The following NRG3 variants were observed in gnomAD, a reference collection of about 807,000 sequenced individuals.
NRG3 encodes the protein neuregulin 3, also known as pro-neuregulin-3, membrane-bound isoform.
Under a neutral mutation model 66.9 loss-of-function variants are expected in NRG3, and 31 were observed. The observed-to-expected ratio is 0.46, with a 90% CI of 0.35 to 0.63. NRG3 has a LOEUF of 0.63. Among genes scored for constraint, NRG3 ranks in the 20% least tolerant of loss-of-function variants. The pLI is 0.00. For missense variants in NRG3, 910 were observed against 878.9 expected (o/e 1.04, Z -0.45); for synonymous variants, 393 against 359.4 (o/e 1.09, Z -1.06).
chr10:82,985,734 C>T lies in NRG3; in HGVS notation c.*129C>T, dbSNP rs1162884292. On this transcript the variant is annotated 3_prime_UTR_variant, in exon 9 of 9. Transcript: ENST00000372141. ...AAGAAACCAAATAGTCTATCGCCCTCATATCATAGTGTTTTTTAACAAAAT... is the reference window on the plus strand; with the variant it reads ...AAGAAACCAAATAGTCTATCGCCCTTATATCATAGTGTTTTTTAACAAAAT... 1.0e-6 allele frequency: 1 copy of T among 968,112 alleles called. No homozygotes were observed. Among genetic ancestry groups the T allele is most frequent in the Non-Finnish European group, 1.5e-6 (1 of 656,612 alleles). The allele number at this position is 968,112 out of a possible 1,614,324, so 60.0% of individuals were successfully genotyped here.
At chr10:82,024,678 C>T (rs1241172638) in intron 1 of NRG3, among the ~76,000 whole-genome samples, 4 of 151,970 alleles carry the variant, frequency 2.6e-5, no homozygotes, top group Admixed American at 2.6e-4. Context: ...GACTTGGTCT[C>T]CTCAGGTAGC....
intron 1 of NRG3, among the ~76,000 whole-genome samples, chr10:82,042,152 T>C (rs762801590): frequency 2.0e-5 from 3 of 152,032 alleles, no homozygotes; most frequent in Non-Finnish European, 2.9e-5. Flanking sequence ...GGGAATATAC[T>C]GATTTTGAAC....
chr10:82,933,615 C>T (rs1300130087), intron 4 of NRG3, among the ~76,000 whole-genome samples: 1 of 152,102 alleles, frequency 6.6e-6, no homozygotes, highest in Non-Finnish European at 1.5e-5. Flanking sequence ...AGAACAGTTT[C>T]TAATGTCAGA....
At chr10:81,897,086 GA>G (rs1843598054) in intron 1 of NRG3, among the ~76,000 whole-genome samples, 1 of 152,154 alleles carries the variant, frequency 6.6e-6, no homozygotes, top group African/African-American at 2.4e-5. Flanking sequence ...GAAGAAGCCA[GA>G]AACGGCAATA....
chr10:82,191,078 C>A (rs555690657), intron 1 of NRG3, among the ~76,000 whole-genome samples: 1 of 152,144 alleles, frequency 6.6e-6, no homozygotes, highest in East Asian at 1.9e-4. Flanking sequence ...GATTGCTTTG[C>A]TTGGTTAAAG....
At chr10:82,159,852 G>A (rs894158321) in intron 1 of NRG3, among the ~76,000 whole-genome samples, 5 of 151,966 alleles carry the variant, frequency 3.3e-5, no homozygotes, top group South Asian at 2.1e-4. Flanking sequence ...AGGAAAAGAT[G>A]CATAATTATC....
At chr10:82,037,566 C>T (rs1034407590) in intron 1 of NRG3, among the ~76,000 whole-genome samples, 1 of 152,042 alleles carries the variant, frequency 6.6e-6, no homozygotes, top group Non-Finnish European at 1.5e-5. Flanking sequence ...TTTGAAAAAT[C>T]GATTTTTTTC....
intron 1 of NRG3, among the ~76,000 whole-genome samples, chr10:82,001,948 C>T (rs2061188306): frequency 6.6e-6 from 1 of 152,170 alleles, no homozygotes. Context: ...CTTCAACAAT[C>T]ATCCTCCTTT....
intron 1 of NRG3, among the ~76,000 whole-genome samples, chr10:82,181,791 A>C (rs2073438047): frequency 1.3e-5 from 2 of 151,800 alleles, no homozygotes; most frequent in Admixed American, 1.3e-4. Flanking sequence ...TATATTGTGC[A>C]AGTTCTCTTT....
chr10:82,262,661 G>A (rs1357735195), intron 1 of NRG3, among the ~76,000 whole-genome samples: 2 of 152,162 alleles, frequency 1.3e-5, no homozygotes, highest in Non-Finnish European at 2.9e-5. Context: ...ACTTGATGCT[G>A]TTTGTTTTTA....
At chr10:82,640,961 A>G (rs780364248) in intron 2 of NRG3, among the ~76,000 whole-genome samples, 2 of 151,868 alleles carry the variant, frequency 1.3e-5, no homozygotes, top group South Asian at 2.1e-4. Context: ...TTCTCATAAT[A>G]TAAAATGCTT....
intron 2 of NRG3, among the ~76,000 whole-genome samples, chr10:82,562,032 G>C (rs756740847): frequency 2.6e-5 from 4 of 152,130 alleles, no homozygotes; most frequent in African/African-American, 9.7e-5. Context: ...CTTGGAATTA[G>C]ACAAACCTTC....
intron 4 of NRG3, among the ~76,000 whole-genome samples, chr10:82,919,769 A>G (rs951866249): frequency 6.6e-6 from 1 of 152,206 alleles, no homozygotes; most frequent in Non-Finnish European, 1.5e-5. Flanking sequence ...ATTTGTATCA[A>G]TATCCATGCT....
chr10:82,641,824 A>G (rs1235197260), intron 2 of NRG3, among the ~76,000 whole-genome samples: 3 of 152,134 alleles, frequency 2.0e-5, no homozygotes, highest in Non-Finnish European at 4.4e-5. Flanking sequence ...AGAAGGTTTT[A>G]TCCTGTTTTA....
At chr10:82,347,264 G>C (rs1324776886) in intron 1 of NRG3, among the ~76,000 whole-genome samples, 3 of 148,912 alleles carry the variant, frequency 2.0e-5, no homozygotes, top group Non-Finnish European at 3.0e-5. Context: ...CTGGTATGTT[G>C]TGTCTTTGTT....
Position 82,786,122 on chromosome 10 carries a change from A to G in NRG3, c.1027+47472A>G, listed in dbSNP as rs947883553. On this transcript the variant is annotated intron_variant, in intron 3 of 8. Coordinates refer to ENST00000372141, the MANE Select transcript of NRG3 (RefSeq NM_001010848.4). The stretch of plus-strand genomic sequence containing the variant: ...AGTGAGGCCACTACATAAACTCCTT[A>G]CTCTCATAATGTTTAGTGGAGCCAT... Among the ~76,000 whole-genome samples, 14 of 152,222 alleles carry G rather than the reference A, an allele frequency of 9.2e-5. No homozygotes were observed. In the South Asian group the frequency reaches 2.5e-3, roughly 27 times the overall value.
chr10:82,795,726 A>G (rs1404867046), intron 3 of NRG3, among the ~76,000 whole-genome samples: 3 of 152,148 alleles, frequency 2.0e-5, no homozygotes, highest in Non-Finnish European at 4.4e-5. Flanking sequence ...TAAAGGGGTA[A>G]AGCAGAAGAG....
chr10:82,811,184 A>G (rs1192073799), intron 3 of NRG3, among the ~76,000 whole-genome samples: 2 of 152,208 alleles, frequency 1.3e-5, no homozygotes, highest in African/African-American at 2.4e-5. Flanking sequence ...CATGATATGT[A>G]TTGCTTCATA....
chr10:82,155,420 A>G (rs998114719), intron 1 of NRG3, among the ~76,000 whole-genome samples: 2 of 151,790 alleles, frequency 1.3e-5, no homozygotes, highest in Non-Finnish European at 3.0e-5. Flanking sequence ...TATTAATGGG[A>G]TATCAGTAAC....
Sources: allele counts gnomAD v4.1 joint callset (sites outside exome capture counted in the v4.1 genomes callset), GRCh38; gene constraint gnomAD v4.1.1; transcripts MANE v1.5; gene names NCBI Gene and HGNC (gene_info 2026-07-23, HGNC 2026-07-21).